KCNN3: variants seen among roughly 807,000 people sequenced by gnomAD.
KCNN3 encodes small conductance calcium-activated potassium channel protein 3.
A neutral mutation model predicts 62.9 loss-of-function variants in KCNN3; 16 were observed. The ratio of observed to expected loss-of-function variants is 0.25; its 90% confidence interval spans 0.17 to 0.39. The LOEUF is 0.39. KCNN3 is among the 10% of genes least tolerant of loss of function. The pLI, the probability that KCNN3 is intolerant of heterozygous loss-of-function variation, is 1.00. For synonymous variants in KCNN3, 370 were observed against 389.2 expected (o/e 0.95, Z 0.58); for missense variants, 599 against 949.4 (o/e 0.63, Z 4.85).
chr1:154,852,276 ACG>A, intron 1 of KCNN3, among the ~76,000 whole-genome samples: 1 of 151,376 alleles, frequency 6.6e-6, no homozygotes, highest in Non-Finnish European at 1.5e-5. Flanking sequence ...GCAGAGGCAC[ACG>A]CATGGCTCAC....
In KCNN3 at chr1:154,857,372, C is replaced by T. The variant is rs537404210; in HGVS notation, c.933+11660G>A. Among the ~76,000 whole-genome samples, 44 of 152,304 alleles carry T rather than the reference C, an allele frequency of 2.9e-4. 1 individual carries two copies. In the South Asian group the frequency reaches 7.9e-3, roughly 27 times the overall value. Reference sequence around the variant, plus strand: ...CTTTCCTCAGCCCCAGAGCCCAGCACGGCACCTGGAGCTTCAGCAAACCCC... The same window carrying T: ...CTTTCCTCAGCCCCAGAGCCCAGCATGGCACCTGGAGCTTCAGCAAACCCC... On this transcript the variant is annotated intron_variant, in intron 1 of 7. Transcript: ENST00000271915.
rs1347701867 is a variant in KCNN3 at position 154,870,104 on chromosome 1, G to C, written c.-140C>G. On this transcript the variant is annotated 5_prime_UTR_variant, in exon 1 of 8. Transcript: ENST00000271915. ...TCCAGTCCTCTCTTTGGCTTGCTTC[G>C]GTTCTCTGGGGCTGCCTGGAGTCCA... is the stretch of plus-strand genomic sequence containing the variant. 1.0e-6 allele frequency: 1 copy of C among 987,472 alleles called. No individual in the cohort carries two copies. Among genetic ancestry groups the C allele is most frequent in the Admixed American group, 2.0e-5 (1 of 50,288 alleles). 61.2% of individuals were successfully genotyped at this position (987,472 alleles called of 1,614,324 possible).
chr1:154,859,400 C>T (rs1399598160), intron 1 of KCNN3, among the ~76,000 whole-genome samples: 2 of 152,226 alleles, frequency 1.3e-5, no homozygotes, highest in Non-Finnish European at 2.9e-5. Flanking sequence ...GCCAGGCTGG[C>T]CACTTGACCA....
At chr1:154,839,022 C>G (rs560409904) in intron 1 of KCNN3, among the ~76,000 whole-genome samples, 2 of 152,320 alleles carry the variant, frequency 1.3e-5, no homozygotes, top group African/African-American at 4.8e-5. Flanking sequence ...CTCTCCCTCC[C>G]TCCCCATGTT....
intron 1 of KCNN3, among the ~76,000 whole-genome samples, chr1:154,831,545 G>A (rs763124416): frequency 2.0e-5 from 3 of 152,186 alleles, no homozygotes; most frequent in Non-Finnish European, 4.4e-5. Flanking sequence ...AAGAAGCCAG[G>A]AGGCTGGGGT....
chr1:154,845,806 A>G (rs1483390098), intron 1 of KCNN3, among the ~76,000 whole-genome samples: 2 of 152,170 alleles, frequency 1.3e-5, no homozygotes. Flanking sequence ...GGCCCCTTCC[A>G]CAACCCTGCA....
At chr1:154,815,274 G>A (rs1352687656) in intron 2 of KCNN3, among the ~76,000 whole-genome samples, 3 of 152,218 alleles carry the variant, frequency 2.0e-5, no homozygotes, top group African/African-American at 4.8e-5. Context: ...CCTACCTGGG[G>A]GGTTTGGGCA....
chr1:154,758,063 G>C (rs905739066), intron 3 of KCNN3, among the ~76,000 whole-genome samples: 1 of 152,150 alleles, frequency 6.6e-6, no homozygotes, highest in Non-Finnish European at 1.5e-5. Flanking sequence ...TCTTTCGTGC[G>C]GACCCAGAGA....
chr1:154,715,479 T>C (rs1384398436), intron 5 of KCNN3, among the ~76,000 whole-genome samples: 1 of 151,852 alleles, frequency 6.6e-6, no homozygotes, highest in African/African-American at 2.4e-5. Context: ...AAAATTCATC[T>C]GTTCTTAATC....
chr1:154,751,014 T>C (rs1336388402), intron 3 of KCNN3, among the ~76,000 whole-genome samples: 1 of 152,174 alleles, frequency 6.6e-6, no homozygotes, highest in African/African-American at 2.4e-5. Flanking sequence ...TCTTTTTAGA[T>C]AAGCAAATGG....
chr1:154,768,061 G>A (rs1222687626), intron 3 of KCNN3, among the ~76,000 whole-genome samples: 5 of 152,210 alleles, frequency 3.3e-5, no homozygotes, highest in Non-Finnish European at 5.9e-5. Context: ...GGCATCAGCA[G>A]CTGTGGATTT....
chr1:154,749,374 ATGT>A (rs1361996397), intron 3 of KCNN3, among the ~76,000 whole-genome samples: 1 of 152,242 alleles, frequency 6.6e-6, no homozygotes, highest in African/African-American at 2.4e-5. Flanking sequence ...AGGCAAGCAA[ATGT>A]TGTGGAAGGC....
intron 3 of KCNN3, among the ~76,000 whole-genome samples, chr1:154,757,450 G>C (rs1223763385): frequency 2.0e-5 from 3 of 152,128 alleles, no homozygotes; most frequent in African/African-American, 4.8e-5. Context: ...CAGGATTCAG[G>C]CTAAACAAGG....
At chr1:154,760,178 A>G (rs1232868563) in intron 3 of KCNN3, among the ~76,000 whole-genome samples, 2 of 151,958 alleles carry the variant, frequency 1.3e-5, no homozygotes, top group Non-Finnish European at 2.9e-5. Context: ...ACGCTGGCTA[A>G]TAATTTCCCT....
intron 6 of KCNN3, among the ~76,000 whole-genome samples, 158 bp from the exon 7 acceptor site, chr1:154,713,691 T>C (rs1295349776): frequency 6.6e-6 from 1 of 151,768 alleles, no homozygotes; most frequent in Non-Finnish European, 1.5e-5. Flanking sequence ...TCCAGGGGCT[T>C]GTCACATCCC....
chr1:154,811,987 T>C (rs770186877), intron 2 of KCNN3, among the ~76,000 whole-genome samples: 5 of 152,170 alleles, frequency 3.3e-5, no homozygotes, highest in Non-Finnish European at 5.9e-5. Context: ...TCCCTGAGCT[T>C]AATTGAGTGC....
intron 1 of KCNN3, among the ~76,000 whole-genome samples, chr1:154,858,936 G>A (rs1652645709): frequency 6.6e-6 from 1 of 152,172 alleles, no homozygotes; most frequent in Non-Finnish European, 1.5e-5. Flanking sequence ...GGGCTGGGAG[G>A]CATATGCAGG....
chr1:154,798,916 A>AT (rs56240234), intron 2 of KCNN3, among the ~76,000 whole-genome samples: 12,195 of 131,124 alleles, frequency 0.093, 629 homozygotes, highest in African/African-American at 0.11. Context: ...CACTTATTGC[A>AT]TTTTTTTTTT....
rs148249233 is a variant in KCNN3 at position 154,762,042 on chromosome 1, G to A, written c.1448+9933C>T. Among the ~76,000 whole-genome samples the A allele has an allele frequency of 7.9e-4, 120 of 152,258 alleles. 3 individuals are homozygous for A. The East Asian group carries it at 0.021, about 27-fold the overall frequency. On this transcript the variant is annotated intron_variant, in intron 3 of 7. Coordinates refer to ENST00000271915, the MANE Select transcript of KCNN3 (RefSeq NM_002249.6). ...AATTCTTGCTAACTACCCATCATAT[G>A]GATGTGCCATACTTGTTTAGCCATT...
Sources: gnomAD v4.1 joint callset for allele counts (sites outside exome capture counted in the v4.1 genomes callset) on GRCh38, gnomAD v4.1.1 for gene constraint, MANE v1.5 for transcripts, NCBI Gene and HGNC (gene_info 2026-07-23, HGNC 2026-07-21) for gene names.